The following FAM234B variants were observed in gnomAD, a reference collection of about 807,000 sequenced individuals.
The protein encoded by FAM234B is family with sequence similarity 234 member B.
In FAM234B, 33 loss-of-function variants were observed where a neutral mutation model predicts 69.3. That is an observed-to-expected ratio of 0.48 (90% CI 0.36 to 0.64). FAM234B has a LOEUF of 0.64. Ranked by LOEUF, FAM234B falls within the 30% of genes least tolerant of loss-of-function variation. FAM234B has a pLI of 0.00. For missense variants in FAM234B, 697 were observed against 769.7 expected (o/e 0.91, Z 1.12); for synonymous variants, 306 against 306.9 (o/e 1.00, Z 0.03).
intron 5 of FAM234B, 101 bp downstream of exon 5, chr12:13,063,076 C>T: frequency 1.5e-6 from 2 of 1,359,150 alleles, no homozygotes; most frequent in East Asian, 2.3e-5. Context: ...TTGAAATGTT[C>T]TTTTTACAAG....
chr12:13,068,130 C>A (rs1178541496), intron 7 of FAM234B, among the ~76,000 whole-genome samples, 174 bp from the exon 8 acceptor site: 2 of 152,072 alleles, frequency 1.3e-5, no homozygotes, highest in African/African-American at 4.8e-5. Context: ...TTTCTAAGGT[C>A]AAGAAAATGA....
In FAM234B at chr12:13,058,852, G is replaced by A. The variant is rs551186142; in HGVS notation, c.532+303G>A. Among the ~76,000 whole-genome samples, 138 of 152,278 alleles carry A rather than the reference G, an allele frequency of 9.1e-4. 1 individual carries two copies. Among genetic ancestry groups the A allele is most frequent in the East Asian group, 2.9e-3 (15 of 5,188 alleles). ...TTTGCAACGAACAGTGTTAGTCCTC[G>A]GGTTCCTTGGGTTTTCTCCTGGTTT... is the stretch of plus-strand genomic sequence containing the variant. On this transcript the variant is annotated intron_variant, in intron 3 of 12. Coordinates refer to ENST00000197268, the MANE Select transcript of FAM234B (RefSeq NM_020853.2).
At position 13,079,910 on chromosome 12, in the gene FAM234B, G is replaced by A; in HGVS notation, c.1764G>A (p.Glu588=). The A allele has an allele frequency of 6.2e-7, 1 of 1,614,084 alleles. No homozygotes were observed. Among genetic ancestry groups the A allele is most frequent in the Non-Finnish European group, 8.5e-7 (1 of 1,180,000 alleles). The part of the protein sequence containing the change: ...SKLSLRWALM[E]GQMAQLQEST... ...TTAGTCTACGGTGGGCACTAATGGA[G>A]GGCCAGATGGCTCAGCTACAGGAGT... is the stretch of plus-strand genomic sequence containing the variant. The change falls in exon 12 of 13, where the codon GAG becomes GAA. Residue 588 remains glutamate, a synonymous_variant. Coordinates refer to ENST00000197268, the MANE Select transcript of FAM234B (RefSeq NM_020853.2).
At chr12:13,049,925 C>T (rs775358122) in intron 1 of FAM234B, among the ~76,000 whole-genome samples, 16 of 151,576 alleles carry the variant, frequency 1.1e-4, no homozygotes, top group Non-Finnish European at 1.6e-4. Flanking sequence ...TTAAATGGGG[C>T]GGTTGTTTGA....
intron 12 of FAM234B, 78 bp downstream of exon 12, chr12:13,080,087 T>C (rs563543071): frequency 1.2e-5 from 14 of 1,126,524 alleles, no homozygotes; most frequent in East Asian, 7.7e-5. Context: ...CTTTAGAAAG[T>C]AGGCAGAATG....
chr12:13,055,808 G>C lies in FAM234B; in HGVS notation c.295G>C (p.Val99Leu), dbSNP rs561377847. The C allele has an allele frequency of 1.9e-6, 3 of 1,614,160 alleles. No individual in the cohort carries two copies. The highest frequency in any genetic ancestry group is 2.5e-6 in the Non-Finnish European group (3 of 1,180,022). Residue 99 changes from valine (V) to leucine (L), a missense_variant, in exon 2 of 13, where the codon GTG becomes CTG. Physicochemically the swap from Val to Leu is conservative, Grantham distance 32. Coordinates refer to ENST00000197268, the MANE Select transcript of FAM234B (RefSeq NM_020853.2). ...GGAACAGAAGGCGGCCTCCTCCCTG[G>C]TGTCATATGTGCGCACGTCTGTCTT... is the stretch of plus-strand genomic sequence containing the variant. ...GLEQKAASSL[V>L]SYVRTSVFLL...
chr12:13,060,736 G>A (rs530014637), intron 3 of FAM234B, among the ~76,000 whole-genome samples: 1 of 152,344 alleles, frequency 6.6e-6, no homozygotes, highest in East Asian at 1.9e-4. Flanking sequence ...AGTTGTTGCT[G>A]AAAGTGGGAA....
At chr12:13,064,635 A>G (rs1441672916) in intron 5 of FAM234B, among the ~76,000 whole-genome samples, 1 of 152,168 alleles carries the variant, frequency 6.6e-6, no homozygotes, top group Non-Finnish European at 1.5e-5. Context: ...TGTTTTCACA[A>G]TAGGGTACAG....
At position 13,067,066 on chromosome 12, in the gene FAM234B, G is replaced by A. The variant is rs1865047449; in HGVS notation, c.1001-89G>A. Reference sequence around the variant, plus strand: ...GGGCGGGCTCTGTTAGACCCATCTGGTCAGGCTCTGTGTCTCTTGCTCAGA... The same window carrying A: ...GGGCGGGCTCTGTTAGACCCATCTGATCAGGCTCTGTGTCTCTTGCTCAGA... On this transcript the variant is annotated intron_variant, in intron 6 of 12. Coordinates refer to ENST00000197268, the MANE Select transcript of FAM234B (RefSeq NM_020853.2). The surrounding 1 kb of genome is among the most constrained non-coding windows in gnomAD (Gnocchi z 4.7). 4.0e-6 allele frequency: 6 copies of A among 1,499,818 alleles called. No individual in the cohort carries two copies. In the East Asian group the frequency reaches 1.1e-4, roughly 28 times the overall value. The allele number at this position is 1,499,818 out of a possible 1,614,324, so 92.9% of individuals were successfully genotyped here.
In FAM234B at chr12:13,081,880, G is replaced by T. The variant is rs1865232993; in HGVS notation, c.*1250G>T. ...ATTCAATGTTAGCGGATGGAAAACT[G>T]CTTCTTGAATAACCTTGATAGGTCA... On this transcript the variant is annotated 3_prime_UTR_variant, in exon 13 of 13. Coordinates refer to ENST00000197268, the MANE Select transcript of FAM234B (RefSeq NM_020853.2). 1 of 149,796 alleles carries T rather than the reference G, an allele frequency of 6.7e-6. No homozygotes were observed. The highest frequency in any genetic ancestry group is 1.5e-5 in the Non-Finnish European group (1 of 67,570). The allele number at this position is 149,796 out of a possible 1,614,324, so 9.3% of individuals were successfully genotyped here.
At chr12:13,080,157 A>G (rs768108075) in intron 12 of FAM234B, 148 bp downstream of exon 12, 30 of 607,746 alleles carry the variant, frequency 4.9e-5, no homozygotes, top group African/African-American at 7.5e-5. Context: ...ACTGTTTCCT[A>G]TGGATGCCTT....
chr12:13,069,213 C>T (rs1179327794), intron 9 of FAM234B, among the ~76,000 whole-genome samples: 1 of 152,024 alleles, frequency 6.6e-6, no homozygotes, highest in Non-Finnish European at 1.5e-5. Context: ...AGAGCATGTT[C>T]CAAGGACACT....
At position 13,071,274 on chromosome 12, in the gene FAM234B, G is replaced by C. The variant is rs1364554725; in HGVS notation, c.1402G>C (p.Val468Leu). The C allele has an allele frequency of 6.2e-7, 1 of 1,614,164 alleles. No individual in the cohort carries two copies. The highest frequency in any genetic ancestry group is 1.7e-5 in the Admixed American group (1 of 60,018). Residue 468 changes from valine to leucine, a missense_variant, in exon 10 of 13, where the codon GTT becomes CTT. Val to Leu is a conservative substitution (Grantham distance 32, BLOSUM62 1). Transcript: ENST00000197268. Reference sequence around the variant, plus strand: ...TGTGGATGGTGACTCTGGCTCCATTGTTTGGAGTTACCGTGCTCCGTGTCA... The same window carrying C: ...TGTGGATGGTGACTCTGGCTCCATTCTTTGGAGTTACCGTGCTCCGTGTCA... Reference protein sequence around the residue: ...MVVDGDSGSIVWSYRAPCHMK... With the variant: ...MVVDGDSGSILWSYRAPCHMK...
intron 9 of FAM234B, among the ~76,000 whole-genome samples, chr12:13,069,221 A>C (rs1053025399): frequency 3.3e-5 from 5 of 152,218 alleles, no homozygotes; most frequent in Non-Finnish European, 7.3e-5. Context: ...TTCCAAGGAC[A>C]CTGAATAGAT....
intron 1 of FAM234B, among the ~76,000 whole-genome samples, chr12:13,046,756 G>T (rs1163929660): frequency 6.6e-6 from 1 of 152,030 alleles, no homozygotes; most frequent in Non-Finnish European, 1.5e-5. Context: ...ACTGCGTCTG[G>T]CCCCAACATC....
rs1376754134 is a variant in FAM234B at position 13,045,116 on chromosome 12, A to C, written c.37+676A>C. ...GCATGGGAAATGATTTGGCACCTAT[A>C]AGTTGAAGATAATGTATGGAATCTT... On this transcript the variant is annotated intron_variant, in intron 1 of 12. Coordinates refer to ENST00000197268, the MANE Select transcript of FAM234B (RefSeq NM_020853.2). Among the ~76,000 whole-genome samples, 160 of 152,052 alleles carry C rather than the reference A, an allele frequency of 1.1e-3. 2 individuals carry two copies. Among genetic ancestry groups the C allele is most frequent in the Non-Finnish European group, 2.5e-4 (17 of 68,008 alleles).
At chr12:13,064,386 C>A (rs1024815178) in intron 5 of FAM234B, among the ~76,000 whole-genome samples, 1 of 152,184 alleles carries the variant, frequency 6.6e-6, no homozygotes, top group Admixed American at 6.5e-5. Flanking sequence ...TGGGGAGACA[C>A]GGCAAGCCAT....
intron 1 of FAM234B, among the ~76,000 whole-genome samples, chr12:13,045,473 G>A (rs1864797712): frequency 1.3e-5 from 2 of 152,198 alleles, no homozygotes; most frequent in Non-Finnish European, 2.9e-5. Context: ...TGGTTGGATA[G>A]CTAGTTTGAG....
At chr12:13,066,560 C>T (rs759474904) in intron 5 of FAM234B, 80 bp from the exon 6 acceptor site, 8 of 1,442,982 alleles carry the variant, frequency 5.5e-6, no homozygotes, top group Non-Finnish European at 7.5e-6. Context: ...TATGAGGAGG[C>T]AGTGACTGTC....
Sources: allele counts gnomAD v4.1 joint callset (sites outside exome capture counted in the v4.1 genomes callset), GRCh38; gene constraint gnomAD v4.1.1; non-coding constraint Gnocchi (gnomAD v3.1); transcripts MANE v1.5; gene names NCBI Gene and HGNC (gene_info 2026-07-23, HGNC 2026-07-21).